Variants in ADAM12 observed in about 807,000 individuals in gnomAD.
ADAM12 encodes disintegrin and metalloproteinase domain-containing protein 12.
A neutral mutation model predicts 106.4 loss-of-function variants in ADAM12; 70 were observed. The ratio of observed to expected loss-of-function variants is 0.66; its 90% confidence interval spans 0.54 to 0.80. The LOEUF (loss-of-function observed/expected upper bound fraction) is 0.80, where lower values mean the gene tolerates loss of function less well. Ranked by LOEUF, ADAM12 falls within the 30% of genes least tolerant of loss-of-function variation. The pLI is 0.00. For synonymous variants in ADAM12, 420 were observed against 433.5 expected, an observed-to-expected ratio of 0.97 and a Z score of 0.39; for missense variants, 1,010 against 1,171.9, an observed-to-expected ratio of 0.86 and a Z score of 2.02.
At chr10:126,028,715 T>C (rs1953921729) in intron 21 of ADAM12, among the ~76,000 whole-genome samples, 1 of 152,142 alleles carries the variant, frequency 6.6e-6, no homozygotes, top group African/African-American at 2.4e-5. Flanking sequence ...GGAGAAAATC[T>C]AGGCAACACC....
chr10:126,074,193 A>G (rs1955054625), intron 11 of ADAM12, among the ~76,000 whole-genome samples: 1 of 152,196 alleles, frequency 6.6e-6, no homozygotes, highest in Non-Finnish European at 1.5e-5. Flanking sequence ...TATTAGAGTT[A>G]ATTAGGAAAG....
At chr10:126,332,508 T>G (rs143500801) in intron 1 of ADAM12, among the ~76,000 whole-genome samples, 1 of 152,226 alleles carries the variant, frequency 6.6e-6, no homozygotes, top group East Asian at 1.9e-4. Context: ...TTCTTGTCAA[T>G]CAAACATTAT....
chr10:126,158,326 C>A (rs1956858687), intron 3 of ADAM12, among the ~76,000 whole-genome samples: 1 of 148,752 alleles, frequency 6.7e-6, no homozygotes, highest in Admixed American at 6.6e-5. Flanking sequence ...AGGCACAGAG[C>A]ATGGAGGGGA....
At chr10:126,121,240 A>G (rs1439237711) in intron 5 of ADAM12, among the ~76,000 whole-genome samples, 1 of 109,006 alleles carries the variant, frequency 9.2e-6, no homozygotes, top group Non-Finnish European at 1.7e-5. Flanking sequence ...TATATATACT[A>G]TATAGTATAT....
intron 5 of ADAM12, among the ~76,000 whole-genome samples, chr10:126,121,794 C>T (rs1365071636): frequency 6.6e-6 from 1 of 152,022 alleles, no homozygotes; most frequent in South Asian, 2.1e-4. Context: ...TTTAACAACT[C>T]TTAAATTTTA....
At chr10:126,087,619 C>T (rs1307806019) in intron 11 of ADAM12, among the ~76,000 whole-genome samples, 1 of 152,068 alleles carries the variant, frequency 6.6e-6, no homozygotes, top group Non-Finnish European at 1.5e-5. Context: ...AAAATAATTC[C>T]CTTCAATTCC....
At chr10:126,100,881 G>T (rs1055614705) in intron 9 of ADAM12, among the ~76,000 whole-genome samples, 191 bp downstream of exon 9, 1 of 152,182 alleles carries the variant, frequency 6.6e-6, no homozygotes, top group African/African-American at 2.4e-5. Context: ...TTCAGAGGGA[G>T]ACTTTCCTAG....
At chr10:126,329,048 C>T (rs1011378661) in intron 2 of ADAM12, among the ~76,000 whole-genome samples, 1 of 151,936 alleles carries the variant, frequency 6.6e-6, no homozygotes, top group African/African-American at 2.4e-5. Flanking sequence ...CTTGTCCCTC[C>T]GATTCCCTCC....
chr10:126,144,616 C>G (rs12359491), intron 4 of ADAM12, among the ~76,000 whole-genome samples: 2 of 151,888 alleles, frequency 1.3e-5, no homozygotes, highest in Non-Finnish European at 2.9e-5. Flanking sequence ...AAAATGCACA[C>G]GGGGGGGTTA....
At chr10:126,267,120 A>G (rs1388811857) in intron 3 of ADAM12, among the ~76,000 whole-genome samples, 1 of 152,178 alleles carries the variant, frequency 6.6e-6, no homozygotes, top group Non-Finnish European at 1.5e-5. Context: ...AACACTGTCA[A>G]TCATCTCCTC....
At position 126,183,790 on chromosome 10, in the gene ADAM12, T is replaced by C. The variant is rs1004346309; in HGVS notation, c.261-28485A>G. 2.6e-5 allele frequency among the ~76,000 whole-genome samples: 4 copies of C among 152,148 alleles called. No homozygotes were observed. In the East Asian group the frequency reaches 7.7e-4, roughly 29 times the overall value. On this transcript the variant is annotated intron_variant, in intron 3 of 22. Transcript: ENST00000448723. ...GCCACAAAATGGGCACCCACTGATA[T>C]GTCATGAATGGATGGAAAAGTGAGT...
chr10:126,311,644 C>T (rs977191379), intron 2 of ADAM12, among the ~76,000 whole-genome samples: 3 of 152,000 alleles, frequency 2.0e-5, no homozygotes, highest in South Asian at 2.1e-4. Context: ...AGTTAAAAAT[C>T]GATAATGCCA....
chr10:126,024,333 T>C lies in ADAM12; in HGVS notation c.2530-4508A>G, dbSNP rs185692604. 1.1e-3 allele frequency among the ~76,000 whole-genome samples: 161 copies of C among 152,326 alleles called. 2 individuals are homozygous for C. Among genetic ancestry groups the C allele is most frequent in the African/African-American group, 3.6e-3 (151 of 41,584 alleles). On this transcript the variant is annotated intron_variant, in intron 21 of 22. Transcript: ENST00000448723. ...TCTGAAACTTAAATAGGCATGTACA[T>C]CTAGAAAGATGTAAAACTAGTTATT...
intron 5 of ADAM12, among the ~76,000 whole-genome samples, chr10:126,119,751 CT>C (rs1054967107): frequency 6.6e-6 from 1 of 152,166 alleles, no homozygotes; most frequent in Non-Finnish European, 1.5e-5. Flanking sequence ...CATGTCTGAC[CT>C]TCTGGAGCTC....
intron 2 of ADAM12, among the ~76,000 whole-genome samples, chr10:126,309,747 TAGAG>T (rs1024368048): frequency 3.9e-5 from 6 of 152,122 alleles, no homozygotes; most frequent in African/African-American, 1.4e-4. Context: ...GACTAGCAGT[TAGAG>T]AGAATAGTTA....
intron 3 of ADAM12, among the ~76,000 whole-genome samples, chr10:126,234,225 CT>C (rs995969648): frequency 1.3e-5 from 2 of 151,656 alleles, no homozygotes; most frequent in Non-Finnish European, 2.9e-5. Context: ...GTCATTTCTT[CT>C]TTTTTTTTCT....
intron 3 of ADAM12, among the ~76,000 whole-genome samples, chr10:126,178,276 CAT>C (rs1314871972): frequency 3.3e-5 from 5 of 151,914 alleles, no homozygotes; most frequent in East Asian, 3.9e-4. Flanking sequence ...GTTTGTGACA[CAT>C]GTGTTCTTCA....
At chr10:126,259,009 T>A (rs1958948148) in intron 3 of ADAM12, among the ~76,000 whole-genome samples, 2 of 152,090 alleles carry the variant, frequency 1.3e-5, no homozygotes, top group Non-Finnish European at 2.9e-5. Context: ...TACCAGGAGG[T>A]CAAAAATAAT....
At chr10:126,036,004 T>A in intron 21 of ADAM12, 142 bp downstream of exon 21, 1 of 662,314 alleles carries the variant, frequency 1.5e-6, no homozygotes, top group Non-Finnish European at 2.2e-6. Flanking sequence ...GTGGATTATC[T>A]CATTTAACCA....
Sources: gnomAD v4.1 joint callset for allele counts (sites outside exome capture counted in the v4.1 genomes callset) on GRCh38, gnomAD v4.1.1 for gene constraint, MANE v1.5 for transcripts, NCBI Gene and HGNC (gene_info 2026-07-23, HGNC 2026-07-21) for gene names.